Variants in SLIT3 observed in about 807,000 individuals in gnomAD.
The protein encoded by SLIT3 is slit homolog 3 protein.
Under a neutral mutation model 184.0 loss-of-function variants are expected in SLIT3, and 68 were observed. The ratio of observed to expected loss-of-function variants is 0.37; its 90% CI spans 0.30 to 0.45. The LOEUF is 0.45. SLIT3 is among the 20% of genes least tolerant of loss of function. The pLI is 1.00. For missense variants in SLIT3, 1,707 were observed against 2,026.0 expected (o/e 0.84, Z 3.02); for synonymous variants, 831 against 828.6 (o/e 1.00, Z -0.05).
intron 4 of SLIT3, among the ~76,000 whole-genome samples, chr5:169,016,751 G>A (rs1040008444): frequency 5.3e-5 from 8 of 152,126 alleles, no homozygotes; most frequent in Non-Finnish European, 7.3e-5. Flanking sequence ...TATGAAATGG[G>A]ACAAATAATA....
At chr5:169,011,898 A>T (rs1352561029) in intron 4 of SLIT3, among the ~76,000 whole-genome samples, 7 of 150,674 alleles carry the variant, frequency 4.6e-5, no homozygotes, top group Non-Finnish European at 8.8e-5. Flanking sequence ...AATATCATTT[A>T]TTCATTCAAC....
At chr5:169,058,231 CG>C (rs1306042434) in intron 4 of SLIT3, among the ~76,000 whole-genome samples, 6 of 152,238 alleles carry the variant, frequency 3.9e-5, no homozygotes, top group African/African-American at 1.2e-4. Context: ...TAATGCCATG[CG>C]GCAAAGTGCA....
At chr5:169,270,538 G>T (rs894847591) in intron 1 of SLIT3, among the ~76,000 whole-genome samples, 1 of 152,144 alleles carries the variant, frequency 6.6e-6, no homozygotes, top group Non-Finnish European at 1.5e-5. Context: ...TTTATACATT[G>T]TCTATGGCTG....
rs552249595 is a variant in SLIT3, at chr5:168,927,141, G to C, written c.414-43805C>G. ...TCAAGTGTCCACTGATGGATGAATG[G>C]ATAAACATTTGGTATATACATATAA... On this transcript the variant is annotated intron_variant, in intron 4 of 35. Coordinates refer to ENST00000519560, the MANE Select transcript of SLIT3 (RefSeq NM_003062.4). Among the ~76,000 whole-genome samples the C allele has an allele frequency of 3.3e-5, 5 of 152,266 alleles. No homozygotes were observed. In the East Asian group the frequency reaches 9.7e-4, roughly 29 times the overall value.
chr5:169,176,677 A>G (rs1762997609), intron 4 of SLIT3, among the ~76,000 whole-genome samples: 1 of 152,236 alleles, frequency 6.6e-6, no homozygotes, highest in South Asian at 2.1e-4. Context: ...CTCAGCCACA[A>G]CTATGTAACG....
intron 1 of SLIT3, among the ~76,000 whole-genome samples, chr5:169,267,370 G>A (rs1433364285): frequency 6.6e-6 from 1 of 152,188 alleles, no homozygotes; most frequent in African/African-American, 2.4e-5. Flanking sequence ...CCAACTTACT[G>A]GGCTCCAGGG....
At chr5:169,120,751 G>A (rs1760845894) in intron 4 of SLIT3, among the ~76,000 whole-genome samples, 1 of 152,140 alleles carries the variant, frequency 6.6e-6, no homozygotes, top group Non-Finnish European at 1.5e-5. Flanking sequence ...TCCTACCTGT[G>A]CTCAGCCCCC....
intron 4 of SLIT3, among the ~76,000 whole-genome samples, chr5:168,953,029 T>C (rs1170391402): frequency 2.0e-5 from 3 of 152,078 alleles, no homozygotes; most frequent in African/African-American, 7.2e-5. Flanking sequence ...AGACATCACC[T>C]GGGGGATTGT....
At chr5:168,733,824 A>C (rs1057221135) in intron 20 of SLIT3, among the ~76,000 whole-genome samples, 2 of 152,188 alleles carry the variant, frequency 1.3e-5, no homozygotes, top group Admixed American at 6.6e-5. Context: ...AAAATGTGGA[A>C]TATCTATATA....
intron 5 of SLIT3, among the ~76,000 whole-genome samples, chr5:168,879,292 T>C (rs1759862103): frequency 6.6e-6 from 1 of 152,140 alleles, no homozygotes; most frequent in African/African-American, 2.4e-5. Context: ...GGCTGGGTAG[T>C]GGTTCTCAAA....
chr5:169,251,246 C>T, intron 2 of SLIT3, 142 bp downstream of exon 2: 2 of 664,358 alleles, frequency 3.0e-6, no homozygotes, highest in Non-Finnish European at 5.6e-6. Flanking sequence ...TGTGGGTACG[C>T]TAACGAGGGG....
At chr5:169,144,687 G>A (rs1002343226) in intron 4 of SLIT3, among the ~76,000 whole-genome samples, 5 of 152,200 alleles carry the variant, frequency 3.3e-5, no homozygotes, top group African/African-American at 9.7e-5. Flanking sequence ...AAGGCCCTGG[G>A]CCACTGAGCT....
chr5:168,849,181 C>G (rs901855100), intron 5 of SLIT3, among the ~76,000 whole-genome samples: 1 of 152,176 alleles, frequency 6.6e-6, no homozygotes, highest in Non-Finnish European at 1.5e-5. Flanking sequence ...GAATTCCAAA[C>G]TAGGTATCTA....
chr5:169,121,162 T>C (rs959015437), intron 4 of SLIT3, among the ~76,000 whole-genome samples: 1 of 152,192 alleles, frequency 6.6e-6, no homozygotes, highest in East Asian at 1.9e-4. Flanking sequence ...GTCATTCTCA[T>C]GAACCACCCC....
intron 4 of SLIT3, among the ~76,000 whole-genome samples, chr5:169,080,356 C>G (rs532481942): frequency 9.8e-5 from 15 of 152,304 alleles, no homozygotes; most frequent in African/African-American, 3.4e-4. Context: ...GTGCCAAGCA[C>G]TGTGCTAGGG....
At chr5:169,203,081 T>G (rs1763953080) in intron 3 of SLIT3, among the ~76,000 whole-genome samples, 1 of 152,150 alleles carries the variant, frequency 6.6e-6, no homozygotes, top group African/African-American at 2.4e-5. Context: ...TCACTGGTTC[T>G]GCAGAGAATG....
intron 20 of SLIT3, among the ~76,000 whole-genome samples, chr5:168,746,310 G>A (rs1763801455): frequency 6.8e-6 from 1 of 146,518 alleles, no homozygotes; most frequent in African/African-American, 2.5e-5. Flanking sequence ...GTGGTGGTGT[G>A]GGTGTGGTGG....
At chr5:168,717,333 G>A (rs1008986293) in intron 23 of SLIT3, among the ~76,000 whole-genome samples, 1 of 148,214 alleles carries the variant, frequency 6.7e-6, no homozygotes, top group African/African-American at 2.5e-5. Flanking sequence ...AGCCCTTTGT[G>A]CAGCACATAG....
At chr5:168,899,831 A>G (rs1279490305) in intron 4 of SLIT3, among the ~76,000 whole-genome samples, 2 of 151,926 alleles carry the variant, frequency 1.3e-5, no homozygotes, top group Admixed American at 6.6e-5. Flanking sequence ...GGAAGTGGGC[A>G]CCCCTTGGAC....
Sources: allele counts gnomAD v4.1 joint callset (sites outside exome capture counted in the v4.1 genomes callset), GRCh38; gene constraint gnomAD v4.1.1; transcripts MANE v1.5; gene names NCBI Gene and HGNC (gene_info 2026-07-23, HGNC 2026-07-21).